SRGAP3: variants seen among roughly 807,000 people sequenced by gnomAD.
SRGAP3 encodes SLIT-ROBO Rho GTPase activating protein 3, also known as SLIT-ROBO Rho GTPase-activating protein 3.
A neutral mutation model predicts 121.1 loss-of-function variants in SRGAP3; 39 were observed. The observed-to-expected ratio is 0.32, with a 90% CI of 0.25 to 0.42. The LOEUF (loss-of-function observed/expected upper bound fraction) is 0.42, where lower values mean the gene tolerates loss of function less well. SRGAP3 is among the 10% of genes least tolerant of loss of function. The pLI, the probability that SRGAP3 is intolerant of heterozygous loss-of-function variation, is 1.00. For missense variants in SRGAP3, 1,213 were observed against 1,470.6 expected (o/e 0.82, Z 2.86); for synonymous variants, 601 against 570.0 (o/e 1.05, Z -0.77).
At chr3:9,117,395 A>C (rs942494285) in intron 2 of SRGAP3, among the ~76,000 whole-genome samples, 1 of 152,224 alleles carries the variant, frequency 6.6e-6, no homozygotes, top group Non-Finnish European at 1.5e-5. Flanking sequence ...TTAGTTGTTC[A>C]CAGGAATCCT....
intron 1 of SRGAP3, among the ~76,000 whole-genome samples, chr3:9,182,895 T>C (rs1951470248): frequency 1.3e-5 from 2 of 152,112 alleles, no homozygotes; most frequent in South Asian, 2.1e-4. Context: ...TGGCCTCAAG[T>C]GATCCTCCCA....
At chr3:9,071,890 G>T (rs887416124) in intron 4 of SRGAP3, among the ~76,000 whole-genome samples, 4 of 152,136 alleles carry the variant, frequency 2.6e-5, no homozygotes, top group African/African-American at 9.7e-5. Context: ...ATAGAAGACA[G>T]TTGGGGTCTC....
intron 1 of SRGAP3, among the ~76,000 whole-genome samples, chr3:9,336,898 CTCTTT>C (rs1015777417): frequency 2.2e-4 from 34 of 152,004 alleles, no homozygotes; most frequent in Admixed American, 1.5e-3. Flanking sequence ...TTCTCTCTCT[CTCTTT>C]TATTTTTTAA....
intron 1 of SRGAP3, among the ~76,000 whole-genome samples, chr3:9,142,127 A>T (rs1949875514): frequency 2.0e-5 from 3 of 152,236 alleles, no homozygotes; most frequent in Non-Finnish European, 4.4e-5. Flanking sequence ...CTGTTTCCTC[A>T]TTCGTAAACT....
chr3:9,019,257 T>C (rs966952640), intron 14 of SRGAP3, among the ~76,000 whole-genome samples: 8 of 152,226 alleles, frequency 5.3e-5, no homozygotes, highest in African/African-American at 1.7e-4. Flanking sequence ...GGTAGACATA[T>C]ATGCAGTTTT....
intron 3 of SRGAP3, among the ~76,000 whole-genome samples, chr3:9,260,475 G>A (rs555434537): frequency 1.1e-4 from 16 of 152,324 alleles, no homozygotes; most frequent in Middle Eastern, 3.4e-3. Flanking sequence ...AGGGGCGTCC[G>A]CCATTAAGGA....
chr3:9,078,786 C>G (rs886287494), intron 4 of SRGAP3, among the ~76,000 whole-genome samples: 8 of 152,164 alleles, frequency 5.3e-5, no homozygotes, highest in African/African-American at 1.4e-4. Flanking sequence ...TTCCTTTACC[C>G]TAAGAATGAC....
At chr3:9,355,142 C>T (rs1433964813) in intron 1 of SRGAP3, among the ~76,000 whole-genome samples, 2 of 152,098 alleles carry the variant, frequency 1.3e-5, no homozygotes, top group African/African-American at 2.4e-5. Flanking sequence ...CTAAGTCTGA[C>T]CCTCAAACTT....
chr3:9,253,932 A>T (rs1451126289), upstream of SRGAP3, among the ~76,000 whole-genome samples: 5 of 152,210 alleles, frequency 3.3e-5, no homozygotes, highest in Non-Finnish European at 7.3e-5. Flanking sequence ...CAGTTGTTTT[A>T]TAACCTCAAG....
chr3:9,076,766 C>T (rs1946992570), intron 4 of SRGAP3, among the ~76,000 whole-genome samples: 1 of 147,424 alleles, frequency 6.8e-6, no homozygotes, highest in African/African-American at 2.5e-5. Flanking sequence ...AACTAATACA[C>T]ACCCATCTCC....
intron 18 of SRGAP3, among the ~76,000 whole-genome samples, chr3:9,003,207 C>T (rs558378131): frequency 2.0e-5 from 3 of 152,224 alleles, no homozygotes; most frequent in South Asian, 4.1e-4. Flanking sequence ...CGGCCAGGCA[C>T]GGTGGCTCAT....
At chr3:9,312,944 T>A (rs1955274976) in intron 3 of SRGAP3, among the ~76,000 whole-genome samples, 1 of 152,150 alleles carries the variant, frequency 6.6e-6, no homozygotes, top group Non-Finnish European at 1.5e-5. Flanking sequence ...GTGAGCTATG[T>A]TTGTGCCACT....
At chr3:9,304,420 T>C (rs1167821900) in intron 3 of SRGAP3, among the ~76,000 whole-genome samples, 4 of 152,176 alleles carry the variant, frequency 2.6e-5, no homozygotes. Flanking sequence ...AACGGTAGAA[T>C]GAAAATGGTA....
intron 1 of SRGAP3, among the ~76,000 whole-genome samples, chr3:9,352,731 T>C (rs1377417433): frequency 6.6e-6 from 1 of 152,220 alleles, no homozygotes; most frequent in African/African-American, 2.4e-5. Context: ...GGTGTGCGTT[T>C]GAATCTTGGC....
chr3:9,189,833 T>C (rs1228600473), intron 1 of SRGAP3, among the ~76,000 whole-genome samples: 1 of 152,168 alleles, frequency 6.6e-6, no homozygotes. Context: ...ACAGAGTAAA[T>C]TGATAAAAAG....
chr3:9,336,874 T>C (rs1199678602), intron 1 of SRGAP3, among the ~76,000 whole-genome samples: 1 of 152,162 alleles, frequency 6.6e-6, no homozygotes, highest in Non-Finnish European at 1.5e-5. Flanking sequence ...CATGTAATTA[T>C]AGAGGCTGCC....
chr3:9,203,910 CCTAAGTGGTTCA>C (rs1216897354), intron 1 of SRGAP3, among the ~76,000 whole-genome samples: 1 of 152,196 alleles, frequency 6.6e-6, no homozygotes, highest in Non-Finnish European at 1.5e-5. Flanking sequence ...TTTTCCCTGC[CCTAAGTGGTTCA>C]CTCACTGATG....
chr3:9,072,211 C>G (rs780084124), intron 4 of SRGAP3, among the ~76,000 whole-genome samples: 2 of 152,180 alleles, frequency 1.3e-5, no homozygotes, highest in African/African-American at 4.8e-5. Context: ...TCCCACCGCG[C>G]TAAGTGCTGC....
At chr3:9,337,874 T>C (rs930947166) in intron 1 of SRGAP3, among the ~76,000 whole-genome samples, 2 of 152,190 alleles carry the variant, frequency 1.3e-5, no homozygotes, top group African/African-American at 4.8e-5. Flanking sequence ...CACATCAAAG[T>C]TATGAATCAT....
Sources: allele counts gnomAD v4.1 joint callset (sites outside exome capture counted in the v4.1 genomes callset), GRCh38; gene constraint gnomAD v4.1.1; transcripts MANE v1.5; gene names NCBI Gene and HGNC (gene_info 2026-07-23, HGNC 2026-07-21).